Variants in UNC79 observed in about 807,000 individuals in gnomAD.
UNC79 encodes the protein protein unc-79 homolog.
UNC79 carries 37 observed loss-of-function variants against 283.1 expected under a neutral mutation model. The ratio of observed to expected loss-of-function variants is 0.13; its 90% CI spans 0.10 to 0.17. The LOEUF is 0.17. Ranked by LOEUF, UNC79 falls within the 10% of genes least tolerant of loss-of-function variation. UNC79 has a pLI of 1.00. For missense variants in UNC79, 2,272 were observed against 3,211.1 expected, an observed-to-expected ratio of 0.71 and a Z score of 7.07; for synonymous variants, 1,107 against 1,200.2, an observed-to-expected ratio of 0.92 and a Z score of 1.61.
At position 93,621,773 on chromosome 14, in the gene UNC79, T is replaced by G; in HGVS notation, c.4540T>G (p.Leu1514Val). 1 of 1,614,180 alleles carries G rather than the reference T, an allele frequency of 6.2e-7. No individual in the cohort carries two copies. ...GAATGCAGACTCGCTTTTGTTTACA[T>G]TAGACGAACATCGTAGGAAGTCGTG... Residue 1514 changes from leucine (L) to valine (V), a missense_variant, in exon 30 of 49, where the codon TTA becomes GTA. Around this residue, in one of 11 missense-constraint regions of UNC79, gnomAD observed 580 missense variants for 632.2 expected, o/e 0.92. Coordinates refer to ENST00000555664, the Ensembl canonical transcript of UNC79. This position sits in a 1 kb window ranked among gnomAD's most constrained non-coding sequence, Gnocchi z 4.8.
chr14:93,626,927 T>A (rs2067615296), intron 30 of UNC79, among the ~76,000 whole-genome samples: 1 of 152,186 alleles, frequency 6.6e-6, no homozygotes, highest in South Asian at 2.1e-4. Flanking sequence ...CACACACCTG[T>A]AGTCCCAGCT....
At chr14:93,699,475 T>C (rs1462545769) in intron 47 of UNC79, among the ~76,000 whole-genome samples, 1 of 152,214 alleles carries the variant, frequency 6.6e-6, no homozygotes, top group African/African-American at 2.4e-5. Context: ...GAGATTCTCA[T>C]TTCCATTCAG....
In UNC79 at chr14:93,694,657, C is replaced by G. The variant is rs182682170; in HGVS notation, c.7548+245C>G. ...CAGGCCAAGCATGGTGGCTCATGCC[C>G]ATAGTCCCAGCATTTTAGGAGGCTG... On this transcript the variant is annotated intron_variant, in intron 47 of 48. Transcript: ENST00000555664. Among the ~76,000 whole-genome samples, 11 of 152,048 alleles carry G rather than the reference C, an allele frequency of 7.2e-5. No individual in the cohort carries two copies. The East Asian group carries it at 7.8e-4, about 11-fold the overall frequency.
chr14:93,463,318 G>A (rs1054282093), intron 1 of UNC79, among the ~76,000 whole-genome samples: 6 of 152,230 alleles, frequency 3.9e-5, no homozygotes, highest in South Asian at 4.1e-4. Flanking sequence ...GTGCAGTGGT[G>A]GATGTGGGAG....
At chr14:93,680,685 G>A (rs2073774042) in intron 41 of UNC79, among the ~76,000 whole-genome samples, 1 of 152,068 alleles carries the variant, frequency 6.6e-6, no homozygotes, top group Non-Finnish European at 1.5e-5. Context: ...CTGCCCCCCA[G>A]GTTCAAGCGA....
intron 22 of UNC79, among the ~76,000 whole-genome samples, chr14:93,589,232 G>A (rs893229618): frequency 6.6e-6 from 1 of 152,122 alleles, no homozygotes; most frequent in Admixed American, 6.5e-5. Context: ...GTGGACGAGA[G>A]CAAATGGGCA....
At chr14:93,705,177 C>T (rs1460543579) in intron 48 of UNC79, among the ~76,000 whole-genome samples, 2 of 151,950 alleles carry the variant, frequency 1.3e-5, no homozygotes. Context: ...TTCGAGGCTA[C>T]AGTGAGCTAT....
chr14:93,419,249 A>G (rs1019970264), intron 1 of UNC79, among the ~76,000 whole-genome samples: 3 of 149,556 alleles, frequency 2.0e-5, no homozygotes, highest in East Asian at 2.0e-4. Flanking sequence ...GCTCTCTGCA[A>G]CCTCCACTTC....
intron 1 of UNC79, among the ~76,000 whole-genome samples, chr14:93,335,315 T>C (rs1391808198): frequency 6.6e-6 from 1 of 152,254 alleles, no homozygotes; most frequent in African/African-American, 2.4e-5. Flanking sequence ...TAGCTCAGTT[T>C]ACACACTCAT....
chr14:93,571,434 C>G (rs1350734887), intron 14 of UNC79, among the ~76,000 whole-genome samples: 4 of 152,112 alleles, frequency 2.6e-5, no homozygotes, highest in Non-Finnish European at 5.9e-5. Context: ...AAAAAGAGCA[C>G]TGTGTACTAC....
chr14:93,416,080 TCTTG>T (rs1399552127), intron 1 of UNC79, among the ~76,000 whole-genome samples: 15 of 147,568 alleles, frequency 1.0e-4, no homozygotes, highest in African/African-American at 3.7e-4. Context: ...ATGTGTTTGC[TCTTG>T]CTTTTCTAGT....
intron 7 of UNC79, among the ~76,000 whole-genome samples, chr14:93,500,414 C>A (rs549490464): frequency 6.6e-6 from 1 of 152,142 alleles, no homozygotes; most frequent in Non-Finnish European, 1.5e-5. Context: ...TCTCTTGAAA[C>A]TCCCATTCTA....
intron 1 of UNC79, among the ~76,000 whole-genome samples, chr14:93,374,327 G>A (rs2054512745): frequency 6.6e-6 from 1 of 152,212 alleles, no homozygotes; most frequent in Non-Finnish European, 1.5e-5. Flanking sequence ...AGTTACCTGA[G>A]GCATTGGGGG....
chr14:93,590,831 T>C (rs995802505), intron 22 of UNC79, among the ~76,000 whole-genome samples: 3 of 152,240 alleles, frequency 2.0e-5, no homozygotes, highest in African/African-American at 4.8e-5. Context: ...CTGGTTTGCA[T>C]TCTTCAACTA....
intron 1 of UNC79, among the ~76,000 whole-genome samples, chr14:93,415,579 A>C (rs1256089855): frequency 6.6e-6 from 1 of 152,014 alleles, no homozygotes; most frequent in Non-Finnish European, 1.5e-5. Context: ...TGATTGGAAT[A>C]GTTTCAGAAG....
In UNC79 at chr14:93,630,914, A is replaced by ATTTC. The variant is rs1437461800; in HGVS notation, c.5716+7_5716+10dup. ...TAGCCATTCCTCAATATCAAGTAAGATTTCCTCTGCTGATTATTTCATCTA... is the reference window on the plus strand; with the variant it reads ...TAGCCATTCCTCAATATCAAGTAAGATTTCTTTCCTCTGCTGATTATTTCATCTA... On this transcript the variant is annotated splice_region_variant and intron_variant, in intron 31 of 48. Coordinates refer to ENST00000555664, the Ensembl canonical transcript of UNC79. The ATTTC allele has an allele frequency of 2.5e-6, 4 of 1,609,946 alleles. No individual in the cohort carries two copies. Among genetic ancestry groups the ATTTC allele is most frequent in the Non-Finnish European group, 3.4e-6 (4 of 1,176,264 alleles).
At chr14:93,426,796 T>C (rs1350932336), upstream of UNC79, among the ~76,000 whole-genome samples, 1 of 152,122 alleles carries the variant, frequency 6.6e-6, no homozygotes, top group Non-Finnish European at 1.5e-5. Flanking sequence ...TGAGCAGACT[T>C]ACATGATTTA....
intron 7 of UNC79, among the ~76,000 whole-genome samples, chr14:93,499,677 C>A (rs960731693): frequency 2.0e-5 from 3 of 151,964 alleles, no homozygotes; most frequent in Admixed American, 6.6e-5. Context: ...GGGGAAAGAC[C>A]CCAAAACTGC....
Position 93,611,818 on chromosome 14 carries a change from A to G in UNC79, c.3755-979A>G, listed in dbSNP as rs184480473. ...CCCACCAGACAAAACATTTGTTTTC[A>G]ATTTAGAAATTCTAATGTTTCTTAT... On this transcript the variant is annotated intron_variant, in intron 26 of 48. Transcript: ENST00000555664. Among the ~76,000 whole-genome samples, 44 of 152,200 alleles carry G rather than the reference A, an allele frequency of 2.9e-4. 1 individual carries two copies. Among genetic ancestry groups the G allele is most frequent in the Admixed American group, 2.2e-3 (34 of 15,280 alleles).
Sources: gnomAD v4.1 joint callset for allele counts (sites outside exome capture counted in the v4.1 genomes callset) on GRCh38, gnomAD v4.1.1 for gene constraint, gnomAD v4.1.1 regional missense constraint, Gnocchi (gnomAD v3.1) non-coding constraint, MANE v1.5 for transcripts, NCBI Gene and HGNC (gene_info 2026-07-23, HGNC 2026-07-21) for gene names.